Variants in AP3B1 observed in about 807,000 individuals in gnomAD.
AP3B1 encodes the protein AP-3 complex subunit beta-1.
AP3B1 carries 61 observed loss-of-function variants against 132.5 expected under a neutral mutation model. The observed-to-expected ratio is 0.46, with a 90% CI of 0.37 to 0.57. The LOEUF (loss-of-function observed/expected upper bound fraction) is 0.57. Ranked by LOEUF, AP3B1 falls within the 20% of genes least tolerant of loss-of-function variation. AP3B1 has a pLI of 0.00. For missense variants in AP3B1, 1,120 were observed against 1,289.4 expected (o/e 0.87, Z 2.01); for synonymous variants, 388 against 438.3 (o/e 0.89, Z 1.43).
At chr5:78,117,558 C>T (rs1229429240) in intron 17 of AP3B1, among the ~76,000 whole-genome samples, 1 of 152,144 alleles carries the variant, frequency 6.6e-6, no homozygotes, top group East Asian at 1.9e-4. Flanking sequence ...GATCCACCTG[C>T]CTCGACCTCC....
chr5:78,125,323 G>A (rs764477197), intron 17 of AP3B1, among the ~76,000 whole-genome samples: 1 of 152,128 alleles, frequency 6.6e-6, no homozygotes, highest in Non-Finnish European at 1.5e-5. Flanking sequence ...CTGTCAATCT[G>A]ACTAGGTTCC....
chr5:78,013,216 T>C (rs1746694640), intron 26 of AP3B1, among the ~76,000 whole-genome samples: 1 of 152,084 alleles, frequency 6.6e-6, no homozygotes, highest in Non-Finnish European at 1.5e-5. Context: ...GATTTAATTT[T>C]ATATTTTTTG....
intron 21 of AP3B1, among the ~76,000 whole-genome samples, chr5:78,095,637 A>G (rs1209453106): frequency 2.6e-5 from 4 of 151,750 alleles, no homozygotes; most frequent in South Asian, 4.2e-4. Flanking sequence ...TTGCATCTCT[A>G]TTTTCTCTCG....
chr5:78,234,657 T>C (rs1237212959), intron 3 of AP3B1, among the ~76,000 whole-genome samples: 3 of 152,238 alleles, frequency 2.0e-5, no homozygotes, highest in Admixed American at 2.0e-4. Flanking sequence ...TGCCTGGAAG[T>C]GAACTTGAGG....
In AP3B1 at chr5:78,113,918, C is replaced by T. The variant is rs1751707757; in HGVS notation, c.2083G>A (p.Glu695Lys). The T allele has an allele frequency of 1.9e-6, 3 of 1,613,978 alleles. No individual in the cohort carries two copies. In the South Asian group the frequency reaches 3.3e-5, roughly 18 times the overall value. The change falls in exon 19 of 27, where the codon GAA (glutamate) becomes AAA (lysine). Residue 695 changes from glutamate (E) to lysine (K), a missense_variant. Around this residue, in one of 3 missense-constraint regions of AP3B1, gnomAD observed 906 missense variants for 997.1 expected, o/e 0.91. Coordinates refer to ENST00000255194, the MANE Select transcript of AP3B1 (RefSeq NM_003664.5). ...SSDSSSDSESESGSESGEQGE... is the reference protein window; with the variant it reads ...SSDSSSDSESKSGSESGEQGE... ...TGTTCTCCACTTTCACTTCCAGATTCACTCTCTGAAAAACAGAACCAGATG... is the reference window on the plus strand; with the variant it reads ...TGTTCTCCACTTTCACTTCCAGATTTACTCTCTGAAAAACAGAACCAGATG...
At chr5:78,255,671 C>T (rs1442081357) in intron 2 of AP3B1, among the ~76,000 whole-genome samples, 1 of 152,118 alleles carries the variant, frequency 6.6e-6, no homozygotes, top group East Asian at 1.9e-4. Flanking sequence ...ATTCCACTTT[C>T]AGCATCAGAC....
At chr5:78,032,066 T>C (rs1321477350) in intron 24 of AP3B1, among the ~76,000 whole-genome samples, 1 of 152,200 alleles carries the variant, frequency 6.6e-6, no homozygotes, top group Non-Finnish European at 1.5e-5. Flanking sequence ...CTTAATTTGA[T>C]GACCATTTAA....
At chr5:78,085,116 A>T (rs1190105772) in intron 22 of AP3B1, among the ~76,000 whole-genome samples, 1 of 152,210 alleles carries the variant, frequency 6.6e-6, no homozygotes, top group Non-Finnish European at 1.5e-5. Context: ...AGGTATACAT[A>T]TTTTGATGGC....
At chr5:78,097,039 C>T (rs564113310) in intron 21 of AP3B1, among the ~76,000 whole-genome samples, 1 of 125,368 alleles carries the variant, frequency 8.0e-6, no homozygotes, top group Non-Finnish European at 1.6e-5. Flanking sequence ...GCCCGGCCAG[C>T]CGCCCCGTCC....
intron 26 of AP3B1, among the ~76,000 whole-genome samples, chr5:78,008,276 GA>G (rs1266456916): frequency 6.6e-6 from 1 of 152,160 alleles, no homozygotes; most frequent in African/African-American, 2.4e-5. Flanking sequence ...AAACCAGAAG[GA>G]AAAGCATCAA....
intron 3 of AP3B1, among the ~76,000 whole-genome samples, chr5:78,236,906 G>A (rs1746901594): frequency 6.6e-6 from 1 of 152,136 alleles, no homozygotes; most frequent in South Asian, 2.1e-4. Flanking sequence ...CAAAGGGAGA[G>A]TAGTTGAAAA....
intron 13 of AP3B1, among the ~76,000 whole-genome samples, chr5:78,162,617 T>C (rs1441634117): frequency 2.0e-5 from 3 of 152,040 alleles, no homozygotes; most frequent in Admixed American, 2.0e-4. Context: ...TGCTAGTTAA[T>C]GGCCTATTTT....
At position 78,294,595 on chromosome 5, in the gene AP3B1, G is replaced by A. The variant is rs1249020680; in HGVS notation, c.-16C>T. 1 of 1,613,894 alleles carries A rather than the reference G, an allele frequency of 6.2e-7. No homozygotes were observed. Among genetic ancestry groups the A allele is most frequent in the South Asian group, 1.1e-5 (1 of 91,088 alleles). On this transcript the variant is annotated 5_prime_UTR_variant, in exon 1 of 27. Transcript: ENST00000255194. Reference sequence around the variant, plus strand: ...TGCTGGACATTGCCGCGGTGCTGGCGGGTGCGGGGTTGGTCCTGCCGGGGG... The same window carrying A: ...TGCTGGACATTGCCGCGGTGCTGGCAGGTGCGGGGTTGGTCCTGCCGGGGG...
intron 22 of AP3B1, among the ~76,000 whole-genome samples, chr5:78,083,509 T>C (rs931321560): frequency 1.3e-5 from 2 of 152,202 alleles, no homozygotes; most frequent in African/African-American, 4.8e-5. Flanking sequence ...ATTTTAAGGA[T>C]TGATGTTTAT....
intron 22 of AP3B1, among the ~76,000 whole-genome samples, chr5:78,071,482 G>C (rs111995205): frequency 0.014 from 2,184 of 152,200 alleles, 27 homozygotes; most frequent in Non-Finnish European, 0.02. Context: ...GTGATGGGTT[G>C]ATACTGCAGC....
At chr5:78,080,890 A>G (rs1016788062) in intron 22 of AP3B1, among the ~76,000 whole-genome samples, 3 of 152,220 alleles carry the variant, frequency 2.0e-5, no homozygotes, top group South Asian at 4.1e-4. Context: ...AAAACCAGCT[A>G]AACAATGGTT....
chr5:78,166,117 TCACACACACACACACACACA>T lies in AP3B1; in HGVS notation c.1168-465_1168-446del, dbSNP rs70997970. On this transcript the variant is annotated intron_variant, in intron 11 of 26. Coordinates refer to ENST00000255194, the MANE Select transcript of AP3B1 (RefSeq NM_003664.5). ...CCTGGGAAACAAGACTGAAACTCTG[TCACACACACACACACACACA>T]CACACACACACACACACACACACAC... 5.2e-3 allele frequency among the ~76,000 whole-genome samples: 702 copies of T among 135,920 alleles called. 9 individuals carry two copies. The East Asian group carries it at 0.061, about 12-fold the overall frequency. 89.2% of individuals were successfully genotyped at this position (135,920 alleles called of 152,430 possible).
intron 26 of AP3B1, among the ~76,000 whole-genome samples, chr5:78,004,134 G>T (rs1487974112): frequency 6.6e-6 from 1 of 152,110 alleles, no homozygotes; most frequent in Non-Finnish European, 1.5e-5. Context: ...TATATGACAC[G>T]TGTCTGAATC....
chr5:78,129,115 T>A lies in AP3B1; in HGVS notation c.1837+6A>T. On this transcript the variant is annotated splice_donor_region_variant and intron_variant, in intron 16 of 26. Transcript: ENST00000255194. ...CATATATTTTGGAGTTATATTCTGA[T>A]AATACCTTTAAAAGGAGACTCAAGC... is the stretch of plus-strand genomic sequence containing the variant. The A allele has an allele frequency of 6.2e-7, 1 of 1,610,072 alleles. No homozygotes were observed. The highest frequency in any genetic ancestry group is 8.5e-7 in the Non-Finnish European group (1 of 1,177,858).
Sources: allele counts gnomAD v4.1 joint callset (sites outside exome capture counted in the v4.1 genomes callset), GRCh38; gene constraint gnomAD v4.1.1; regional missense constraint gnomAD v4.1.1; transcripts MANE v1.5; gene names NCBI Gene and HGNC (gene_info 2026-07-23, HGNC 2026-07-21).